Variants in RRP1B observed in about 807,000 individuals in gnomAD.
RRP1B encodes ribosomal RNA processing 1B, also known as ribosomal RNA processing protein 1 homolog B.
Under a neutral mutation model 80.2 loss-of-function variants are expected in RRP1B, and 56 were observed. That is an observed-to-expected ratio of 0.70 (90% CI 0.56 to 0.87). The LOEUF (loss-of-function observed/expected upper bound fraction) is 0.87. RRP1B is among the 40% of genes least tolerant of loss of function. The pLI is 0.00. For synonymous variants in RRP1B, 351 were observed against 357.6 expected (o/e 0.98, Z 0.21); for missense variants, 807 against 939.8 (o/e 0.86, Z 1.85).
chr21:43,676,589 G>A (rs1317209798), intron 7 of RRP1B, 144 bp from the exon 8 acceptor site: 3 of 774,692 alleles, frequency 3.9e-6, no homozygotes, highest in African/African-American at 1.8e-5. Flanking sequence ...TGGCACTTAG[G>A]CAGTTCCTCT....
At chr21:43,682,506 A>G (rs1348384519) in intron 8 of RRP1B, among the ~76,000 whole-genome samples, 3 of 152,230 alleles carry the variant, frequency 2.0e-5, no homozygotes, top group Non-Finnish European at 4.4e-5. Context: ...TGCTTCCTGA[A>G]GCATGCTCGT....
At position 43,691,355 on chromosome 21, in the gene RRP1B, G is replaced by T; in HGVS notation, c.2020-84G>T. 1 of 1,292,084 alleles carries T rather than the reference G, an allele frequency of 7.7e-7. No homozygotes were observed. The highest frequency in any genetic ancestry group is 1.2e-5 in the South Asian group (1 of 82,380). 80.0% of individuals were successfully genotyped at this position (1,292,084 alleles called of 1,614,324 possible). A position where few individuals can be genotyped will look rare whatever the true frequency, so the allele number is the denominator to read the frequency against. ...AGCAGTGTGGGCGGCATACCCTCCA[G>T]GGCAGGTTCTCCAGAAAAATCTGAC... On this transcript the variant is annotated intron_variant, in intron 14 of 15. Coordinates refer to ENST00000340648, the MANE Select transcript of RRP1B (RefSeq NM_015056.3). This position sits in a 1 kb window ranked among gnomAD's most constrained non-coding sequence, Gnocchi z 4.2.
At chr21:43,690,155 G>A (rs932081337) in intron 13 of RRP1B, 133 bp from the exon 14 acceptor site, 10 of 899,248 alleles carry the variant, frequency 1.1e-5, no homozygotes, top group East Asian at 5.4e-5. Context: ...CTGCAAGTGC[G>A]GTGCGGAAGA....
rs2082941831 is a variant in RRP1B at position 43,659,866 on chromosome 21, C to T, written c.130+72C>T. The stretch of plus-strand genomic sequence containing the variant: ...CCGGGGCTGGGGCTAGGGCCAGGGC[C>T]CCGGCACGGAATGCGGCTTCCACGT... On this transcript the variant is annotated intron_variant, in intron 1 of 15. Transcript: ENST00000340648. The surrounding 1 kb of genome is among the most constrained non-coding windows in gnomAD (Gnocchi z 4.2). 2.2e-6 allele frequency: 3 copies of T among 1,377,496 alleles called. No individual in the cohort carries two copies. The highest frequency in any genetic ancestry group is 1.5e-5 in the African/African-American group (1 of 65,312). 85.3% of individuals were successfully genotyped at this position (1,377,496 alleles called of 1,614,324 possible). A position where few individuals can be genotyped will look rare whatever the true frequency, so the allele number is the denominator to read the frequency against.
chr21:43,693,094 G>A lies in RRP1B; in HGVS notation c.2084-96G>A. Reference sequence around the variant, plus strand: ...ATGGCCCTGCTTCGTCCTAGCAAGTGGGTGGGGTCGGCACCCAGGCAGGAC... The same window carrying A: ...ATGGCCCTGCTTCGTCCTAGCAAGTAGGTGGGGTCGGCACCCAGGCAGGAC... On this transcript the variant is annotated intron_variant, in intron 15 of 15. Coordinates refer to ENST00000340648, the MANE Select transcript of RRP1B (RefSeq NM_015056.3). The surrounding 1 kb of genome is among the most constrained non-coding windows in gnomAD (Gnocchi z 4.1). 1 of 1,276,696 alleles carries A rather than the reference G, an allele frequency of 7.8e-7. No homozygotes were observed. The highest frequency in any genetic ancestry group is 1.1e-6 in the Non-Finnish European group (1 of 898,410). 79.1% of individuals were successfully genotyped at this position (1,276,696 alleles called of 1,614,324 possible).
At chr21:43,662,317 C>T (rs538827289) in intron 1 of RRP1B, among the ~76,000 whole-genome samples, 1 of 152,336 alleles carries the variant, frequency 6.6e-6, no homozygotes, top group East Asian at 1.9e-4. Flanking sequence ...TCTTGTATAT[C>T]TTGTTCACCA....
At chr21:43,665,722 A>G (rs558603478) in intron 1 of RRP1B, among the ~76,000 whole-genome samples, 26 of 151,986 alleles carry the variant, frequency 1.7e-4, no homozygotes, top group African/African-American at 6.3e-4. Context: ...ACTGTTAAAG[A>G]GCCTGGCACC....
At chr21:43,687,492 G>C (rs202044263) in intron 12 of RRP1B, 24 bp from the exon 13 acceptor site, 2 of 1,471,272 alleles carry the variant, frequency 1.4e-6, no homozygotes, top group East Asian at 2.3e-5. Context: ...CTGGGTGCTT[G>C]TTGATGGGTT....
chr21:43,676,904 A>G lies in RRP1B; in HGVS notation c.786A>G (p.Lys262=). The G allele has an allele frequency of 3.1e-6, 5 of 1,614,144 alleles. No homozygotes were observed. Among genetic ancestry groups the G allele is most frequent in the Non-Finnish European group, 4.2e-6 (5 of 1,179,968 alleles). ...NEVSLRRAVS[K]KKTALGKNHS... ...TATCCTTGAGAAGAGCTGTCAGTAAAAAGAAGACAGGTAGGAGGATGTTCT... is the reference window on the plus strand; with the variant it reads ...TATCCTTGAGAAGAGCTGTCAGTAAGAAGAAGACAGGTAGGAGGATGTTCT... The change falls in exon 8 of 16, where the codon AAA becomes AAG. Residue 262 remains lysine, a synonymous_variant. Coordinates refer to ENST00000340648, the MANE Select transcript of RRP1B (RefSeq NM_015056.3).
At position 43,673,936 on chromosome 21, in the gene RRP1B, G is replaced by A. The variant is rs1314675792; in HGVS notation, c.338G>A (p.Arg113His). 6 of 1,612,360 alleles carry A rather than the reference G, an allele frequency of 3.7e-6. No homozygotes were observed. The highest frequency in any genetic ancestry group is 2.2e-5 in the East Asian group (1 of 44,892). Residue 113 changes from arginine to histidine, a missense_variant, in exon 4 of 16, where the codon CGC becomes CAC. By Grantham distance (29) the Arg-to-His change is conservative (BLOSUM62 0). Transcript: ENST00000340648. Reference protein sequence around the residue: ...NREWKGIDRLRLDKYYMLIRL... With the variant: ...NREWKGIDRLHLDKYYMLIRL... ...GAATGGAAAGGAATAGACAGGCTAC[G>A]CCTGGACAAATACTATATGGTAAGA... is the stretch of plus-strand genomic sequence containing the variant.
At chr21:43,685,190 T>C (rs1390983843) in intron 10 of RRP1B, among the ~76,000 whole-genome samples, 3 of 152,184 alleles carry the variant, frequency 2.0e-5, no homozygotes, top group Admixed American at 6.5e-5. Context: ...GCACTTTGTA[T>C]ACATTCAAGT....
intron 14 of RRP1B, 36 bp downstream of exon 14, chr21:43,690,476 A>G: frequency 6.2e-7 from 1 of 1,605,110 alleles, no homozygotes; most frequent in Non-Finnish European, 8.5e-7. Flanking sequence ...AGCACATTTC[A>G]CCACAAGGGC....
chr21:43,686,014 G>A (rs1230339785), intron 11 of RRP1B: 1 of 401,176 alleles, frequency 2.5e-6, no homozygotes, highest in Non-Finnish European at 4.4e-6. Flanking sequence ...CCAGTCACTT[G>A]GGAGTCTAAG....
chr21:43,690,687 C>T (rs1036181531), intron 14 of RRP1B, among the ~76,000 whole-genome samples: 3 of 152,128 alleles, frequency 2.0e-5, no homozygotes, highest in African/African-American at 4.8e-5. Flanking sequence ...CCAGGGCTTC[C>T]GGCTCAGGGT....
Position 43,662,999 on chromosome 21 carries a change from T to G in RRP1B, c.130+3205T>G, listed in dbSNP as rs192145255. On this transcript the variant is annotated intron_variant, in intron 1 of 15. Transcript: ENST00000340648. ...AAATAACAGTACATCTTATGGTTGA[T>G]GCTATATTAGATTCAGTGTAGATGA... 3.3e-4 allele frequency among the ~76,000 whole-genome samples: 51 copies of G among 152,260 alleles called. 1 individual carries two copies. Among genetic ancestry groups the G allele is most frequent in the Non-Finnish European group, 1.6e-4 (11 of 68,034 alleles).
chr21:43,669,141 C>T (rs965632502), intron 1 of RRP1B, among the ~76,000 whole-genome samples: 9 of 151,740 alleles, frequency 5.9e-5, no homozygotes, highest in Admixed American at 6.6e-5. Flanking sequence ...AAATGATCAC[C>T]GTTGCAGGGA....
In RRP1B at chr21:43,659,678, T is replaced by A; in HGVS notation, c.14T>A (p.Met5Lys). Reference protein sequence around the residue: MAPAMQPAEIQFAQR... With the variant: MAPAKQPAEIQFAQR... ...CCAGCGGGCGCGATGGCCCCCGCCA[T>A]GCAGCCGGCCGAGATCCAATTTGCC... The change falls in exon 1 of 16, where the codon ATG (methionine) becomes AAG (lysine). Residue 5 changes from methionine (M) to lysine (K), a missense_variant. By Grantham distance (95) the Met-to-Lys change is moderately conservative. Coordinates refer to ENST00000340648, the MANE Select transcript of RRP1B (RefSeq NM_015056.3). This position sits in a 1 kb window ranked among gnomAD's most constrained non-coding sequence, Gnocchi z 4.2. 1 of 1,514,162 alleles carries A rather than the reference T, an allele frequency of 6.6e-7. No individual in the cohort carries two copies. Among genetic ancestry groups the A allele is most frequent in the Non-Finnish European group, 8.8e-7 (1 of 1,130,346 alleles). The allele number at this position is 1,514,162 out of a possible 1,614,324, so 93.8% of individuals were successfully genotyped here.
Position 43,673,870 on chromosome 21 carries a change from A to T in RRP1B, c.272A>T (p.Gln91Leu). 1 of 1,612,446 alleles carries T rather than the reference A, an allele frequency of 6.2e-7. No homozygotes were observed. The highest frequency in any genetic ancestry group is 8.5e-7 in the Non-Finnish European group (1 of 1,178,698). The change falls in exon 4 of 16, where the codon CAA becomes CTA. Residue 91 changes from glutamine (Q) to leucine (L), a missense_variant and splice_region_variant. Physicochemically the swap from Gln to Leu is moderately radical, Grantham distance 113. Transcript: ENST00000340648. ...ATTTAGAGCCTTTTGTTCACTGCAG[A>T]ACACCTGTTCATTCAGACCTTTTGG... is the stretch of plus-strand genomic sequence containing the variant. ...LVHAVNNSAA[Q>L]HLFIQTFWQT...
At chr21:43,685,311 C>T (rs1279036216) in intron 10 of RRP1B, among the ~76,000 whole-genome samples, 2 of 152,212 alleles carry the variant, frequency 1.3e-5, no homozygotes, top group East Asian at 1.9e-4. Context: ...CATCCAGTGT[C>T]TCCTCCCCCA....
Sources: gnomAD v4.1 joint callset for allele counts (sites outside exome capture counted in the v4.1 genomes callset) on GRCh38, gnomAD v4.1.1 for gene constraint, Gnocchi (gnomAD v3.1) non-coding constraint, MANE v1.5 for transcripts, NCBI Gene and HGNC (gene_info 2026-07-23, HGNC 2026-07-21) for gene names.